GATA6: variants seen among roughly 807,000 people sequenced by gnomAD.
The protein encoded by GATA6 is transcription factor GATA-6.
A neutral mutation model predicts 48.1 loss-of-function variants in GATA6; 11 were observed. The observed-to-expected ratio is 0.23, with a 90% CI of 0.14 to 0.38. The LOEUF (loss-of-function observed/expected upper bound fraction) is 0.38. Ranked by LOEUF, GATA6 falls within the 10% of genes least tolerant of loss-of-function variation. The probability of loss-of-function intolerance (pLI) is 1.00; values close to 1 mark genes in which losing one functional copy is unlikely to be tolerated. For synonymous variants in GATA6, 419 were observed against 396.1 expected, an observed-to-expected ratio of 1.06 and a Z score of -0.69; for missense variants, 795 against 850.3, an observed-to-expected ratio of 0.93 and a Z score of 0.81.
rs1416823589 is a variant in GATA6 at position 22,196,744 on chromosome 18, AAAT to A, written c.1621-3909_1621-3907del. Among the ~76,000 whole-genome samples, 6 of 149,444 alleles carry A rather than the reference AAAT, an allele frequency of 4.0e-5. No homozygotes were observed. The East Asian group carries it at 1.2e-3, about 29-fold the overall frequency. On this transcript the variant is annotated intron_variant, in intron 6 of 6. Transcript: ENST00000269216. ...ATGACAGAGCAAGACCCTGTCTCAA[AAAT>A]AAAAAATAAAATAAAAAAGAGAAAG...
rs2143348927 is a variant in GATA6 at position 22,201,724 on chromosome 18, T to G, written c.*901T>G. On this transcript the variant is annotated 3_prime_UTR_variant, in exon 7 of 7. Transcript: ENST00000269216. The stretch of plus-strand genomic sequence containing the variant: ...GCCTTTCTCTATTTGTTAAGAATTT[T>G]TATACAAGAACACCAATATACCCCC... 1 of 152,772 alleles carries G rather than the reference T, an allele frequency of 6.5e-6. No individual in the cohort carries two copies. The highest frequency in any genetic ancestry group is 2.1e-4 in the South Asian group (1 of 4,826). 9.5% of individuals were successfully genotyped at this position (152,772 alleles called of 1,614,324 possible).
rs1273548566 is a variant in GATA6, at chr18:22,201,517, A to C, written c.*694A>C. The C allele has an allele frequency of 6.5e-6, 1 of 152,698 alleles. No individual in the cohort carries two copies. Among genetic ancestry groups the C allele is most frequent in the African/African-American group, 2.4e-5 (1 of 41,476 alleles). 9.5% of individuals were successfully genotyped at this position (152,698 alleles called of 1,614,324 possible). A position where few individuals can be genotyped will look rare whatever the true frequency, so the allele number is the denominator to read the frequency against. ...CAGCAATCAGTGTTAAATCATTTGC[A>C]TAAGATTTAACAGCATTTTTTATAA... is the stretch of plus-strand genomic sequence containing the variant. On this transcript the variant is annotated 3_prime_UTR_variant, in exon 7 of 7. Transcript: ENST00000269216.
chr18:22,187,509 G>C (rs1445454316), intron 6 of GATA6, among the ~76,000 whole-genome samples: 2 of 151,830 alleles, frequency 1.3e-5, no homozygotes, highest in Non-Finnish European at 2.9e-5. Context: ...TTTTTCTTTG[G>C]CTTTTATTCT....
chr18:22,191,032 CGTGTGTGTGTGTGTGTGTGT>C (rs57925913), intron 6 of GATA6, among the ~76,000 whole-genome samples: 13 of 121,204 alleles, frequency 1.1e-4, no homozygotes, highest in Non-Finnish European at 1.4e-4. Context: ...TTTTAAATCT[CGTGTGTGTGTGTGTGTGTGT>C]GTGTGTGTGT....
rs1188366255 is a variant in GATA6 at position 22,172,024 on chromosome 18, A to AGCG, written c.889_891dup (p.Gly297dup). 1.6e-6 allele frequency: 2 copies of AGCG among 1,247,670 alleles called. No individual in the cohort carries two copies. Among genetic ancestry groups the AGCG allele is most frequent in the Non-Finnish European group, 2.0e-6 (2 of 999,454 alleles). The allele number at this position is 1,247,670 out of a possible 1,614,324, so 77.3% of individuals were successfully genotyped here. A position where few individuals can be genotyped will look rare whatever the true frequency, so the allele number is the denominator to read the frequency against. On this transcript the variant is annotated inframe_insertion, in exon 2 of 7. Coordinates refer to ENST00000269216, the MANE Select transcript of GATA6 (RefSeq NM_005257.6). The surrounding 1 kb of genome is among the most constrained non-coding windows in gnomAD (Gnocchi z 5.2). Reference sequence around the variant, plus strand: ...GGGCAGTGGGGGCGCGGGAGGCGTGAGCGGCGGCGGCAGTAGCCTGGCGGC... The same window carrying AGCG: ...GGGCAGTGGGGGCGCGGGAGGCGTGAGCGGCGGCGGCGGCAGTAGCCTGGCGGC...
intron 6 of GATA6, among the ~76,000 whole-genome samples, chr18:22,190,167 T>A (rs942601696): frequency 6.6e-6 from 1 of 152,226 alleles, no homozygotes; most frequent in African/African-American, 2.4e-5. Context: ...TTATTTGCTC[T>A]TGACCAAGAA....
rs1251431748 is a variant in GATA6 at position 22,201,105 on chromosome 18, C to T, written c.*282C>T. 2.0e-6 allele frequency: 1 copy of T among 500,934 alleles called. No individual in the cohort carries two copies. The highest frequency in any genetic ancestry group is 3.6e-6 in the Non-Finnish European group (1 of 280,022). 31.0% of individuals were successfully genotyped at this position (500,934 alleles called of 1,614,324 possible). On this transcript the variant is annotated 3_prime_UTR_variant, in exon 7 of 7. Coordinates refer to ENST00000269216, the MANE Select transcript of GATA6 (RefSeq NM_005257.6). The stretch of plus-strand genomic sequence containing the variant: ...GCCAGGACTAGGACCTGGGCCTTGC[C>T]TGCTATGGAATATTGAGAGAGATTT...
rs561608595 is a variant in GATA6, at chr18:22,189,684, C to G, written c.1620+6641C>G. On this transcript the variant is annotated intron_variant, in intron 6 of 6. Transcript: ENST00000269216. ...GTGCTTCATTTTTAACTTGAATATGCCACAGAGCTTCTAGAGGACTCGAGA... is the reference window on the plus strand; with the variant it reads ...GTGCTTCATTTTTAACTTGAATATGGCACAGAGCTTCTAGAGGACTCGAGA... 6.6e-5 allele frequency among the ~76,000 whole-genome samples: 10 copies of G among 152,266 alleles called. No homozygotes were observed. In the East Asian group the frequency reaches 1.9e-3, roughly 29 times the overall value.
At chr18:22,186,882 G>A (rs1290871867) in intron 6 of GATA6, among the ~76,000 whole-genome samples, 3 of 152,184 alleles carry the variant, frequency 2.0e-5, no homozygotes, top group African/African-American at 4.8e-5. Flanking sequence ...TCAGCAAGTC[G>A]ATGACCTTGC....
intron 6 of GATA6, among the ~76,000 whole-genome samples, chr18:22,196,936 T>G (rs2033397596): frequency 6.6e-6 from 1 of 152,112 alleles, no homozygotes; most frequent in Non-Finnish European, 1.5e-5. Flanking sequence ...TTGCTTGGGC[T>G]GAAGGATAGA....
chr18:22,178,257 G>A (rs1209594755), intron 3 of GATA6, among the ~76,000 whole-genome samples: 1 of 152,200 alleles, frequency 6.6e-6, no homozygotes, highest in African/African-American at 2.4e-5. Context: ...GAGCCACCGC[G>A]CCCGGCCACC....
Position 22,171,361 on chromosome 18 carries a change from C to T in GATA6, c.217C>T (p.Pro73Ser), listed in dbSNP as rs993070434. Residue 73 changes from proline (P) to serine (S), a missense_variant, in exon 2 of 7, where the codon CCC (proline) becomes TCC (serine). Physicochemically the swap from Pro to Ser is moderately conservative, Grantham distance 74. Transcript: ENST00000269216. The surrounding 1 kb of genome is among the most constrained non-coding windows in gnomAD (Gnocchi z 7.1). ...PQLDTEAAAGPPARSLLLSSY... is the reference protein window; with the variant it reads ...PQLDTEAAAGSPARSLLLSSY... Reference sequence around the variant, plus strand: ...GCTCGACACGGAGGCGGCGGCCGGACCCCCGGCCCGCTCGCTGCTGCTCAG... The same window carrying T: ...GCTCGACACGGAGGCGGCGGCCGGATCCCCGGCCCGCTCGCTGCTGCTCAG... 4 of 1,583,900 alleles carry T rather than the reference C, an allele frequency of 2.5e-6. No homozygotes were observed. The highest frequency in any genetic ancestry group is 2.2e-5 in the South Asian group (2 of 89,548).
intron 6 of GATA6, among the ~76,000 whole-genome samples, chr18:22,196,759 T>TA (rs918526604): frequency 6.6e-6 from 1 of 151,686 alleles, no homozygotes; most frequent in African/African-American, 2.4e-5. Context: ...AAAAATAAAA[T>TA]AAAAAAGAGA....
intron 6 of GATA6, 122 bp from the exon 7 acceptor site, chr18:22,200,534 C>T (rs1350678642): frequency 7.9e-7 from 1 of 1,262,872 alleles, no homozygotes. Flanking sequence ...CCTGGGTCTG[C>T]CCAGGAGCAG....
chr18:22,182,998 T>G lies in GATA6; in HGVS notation c.1575T>G (p.Asp525Glu). 1.2e-6 allele frequency: 2 copies of G among 1,614,126 alleles called. No individual in the cohort carries two copies. Among genetic ancestry groups the G allele is most frequent in the Non-Finnish European group, 1.7e-6 (2 of 1,179,976 alleles). ...TPTSTSSNSDDCSKNTSPTTQ... is the reference protein window; with the variant it reads ...TPTSTSSNSDECSKNTSPTTQ... Reference sequence around the variant, plus strand: ...CTTCCACCTCTTCTAACTCAGATGATTGCAGCAAAAATACTTCCCCCACAA... The same window carrying G: ...CTTCCACCTCTTCTAACTCAGATGAGTGCAGCAAAAATACTTCCCCCACAA... The change falls in exon 6 of 7, where the codon GAT (aspartate) becomes GAG (glutamate). Residue 525 changes from aspartate to glutamate, a missense_variant. Around this residue, in one of 5 missense-constraint regions of GATA6, gnomAD observed 103 missense variants for 103.7 expected, o/e 0.99. Coordinates refer to ENST00000269216, the MANE Select transcript of GATA6 (RefSeq NM_005257.6).
At chr18:22,188,312 A>G (rs1405808228) in intron 6 of GATA6, among the ~76,000 whole-genome samples, 2 of 152,226 alleles carry the variant, frequency 1.3e-5, no homozygotes, top group South Asian at 4.1e-4. Flanking sequence ...AGACAGGTAT[A>G]GATGTAGATC....
chr18:22,180,756 G>T (rs915811944), intron 3 of GATA6, among the ~76,000 whole-genome samples: 4 of 150,566 alleles, frequency 2.7e-5, no homozygotes, highest in Non-Finnish European at 5.9e-5. Flanking sequence ...TTCCATTAAC[G>T]TACTTTCAAA....
At position 22,177,952 on chromosome 18, in the gene GATA6, GTTTTTTTTTTTT is replaced by G. The variant is rs775374335; in HGVS notation, c.1302+846_1302+857del. ...TTCGCACACGTTTTACTGTTTTTTTGTTTTTTTTTTTTTTTTTTTTTTTTTTGAGACGGAGTT... is the reference window on the plus strand; with the variant it reads ...TTCGCACACGTTTTACTGTTTTTTTGTTTTTTTTTTTTTTGAGACGGAGTT... On this transcript the variant is annotated intron_variant, in intron 3 of 6. Coordinates refer to ENST00000269216, the MANE Select transcript of GATA6 (RefSeq NM_005257.6). 4.8e-4 allele frequency among the ~76,000 whole-genome samples: 39 copies of G among 80,502 alleles called. 1 individual carries two copies. The highest frequency in any genetic ancestry group is 3.3e-3 in the Admixed American group (26 of 7,844). The allele number at this position is 80,502 out of a possible 152,430, so 52.8% of individuals were successfully genotyped here.
intron 6 of GATA6, among the ~76,000 whole-genome samples, chr18:22,194,293 CT>C (rs1175811296): frequency 6.6e-6 from 1 of 152,232 alleles, no homozygotes; most frequent in African/African-American, 2.4e-5. Context: ...ATAACACATT[CT>C]TTCAACAGGA....
Sources: gnomAD v4.1 joint callset for allele counts (sites outside exome capture counted in the v4.1 genomes callset) on GRCh38, gnomAD v4.1.1 for gene constraint, gnomAD v4.1.1 regional missense constraint, Gnocchi (gnomAD v3.1) non-coding constraint, MANE v1.5 for transcripts, NCBI Gene and HGNC (gene_info 2026-07-23, HGNC 2026-07-21) for gene names.